The following MPZL3 variants were observed in gnomAD, a reference collection of about 807,000 sequenced individuals.
MPZL3 encodes myelin protein zero-like protein 3.
MPZL3 carries 23 observed loss-of-function variants against 24.8 expected under a neutral mutation model. That is an observed-to-expected ratio of 0.93 (90% CI 0.67 to 1.31). The LOEUF (loss-of-function observed/expected upper bound fraction) is 1.31. Among genes scored for constraint, MPZL3 ranks in the 40% most tolerant of loss-of-function variants. MPZL3 has a pLI of 0.00. For synonymous variants in MPZL3, 99 were observed against 106.5 expected (o/e 0.93, Z 0.44); for missense variants, 277 against 294.9 (o/e 0.94, Z 0.44).
chr11:118,236,923 C>G, intron 3 of MPZL3, 127 bp downstream of exon 3: 1 of 720,720 alleles, frequency 1.4e-6, no homozygotes, highest in Non-Finnish European at 2.3e-6. Flanking sequence ...AAAATTACTT[C>G]GATTCAATGA....
chr11:118,238,149 A>G (rs1372784948), intron 2 of MPZL3, among the ~76,000 whole-genome samples: 2 of 152,170 alleles, frequency 1.3e-5, no homozygotes, highest in Middle Eastern at 3.2e-3. Context: ...AAAAAAAAGA[A>G]AAAAAAGGAA....
chr11:118,241,634 T>C (rs1050347490), intron 1 of MPZL3, among the ~76,000 whole-genome samples: 6 of 152,212 alleles, frequency 3.9e-5, no homozygotes, highest in African/African-American at 7.2e-5. Flanking sequence ...GACAGTGTCA[T>C]TGTCATTATT....
rs371390035 is a variant in MPZL3, at chr11:118,252,347, C to T, written c.-53G>A. 2 of 1,564,886 alleles carry T rather than the reference C, an allele frequency of 1.3e-6. No individual in the cohort carries two copies. Among genetic ancestry groups the T allele is most frequent in the Non-Finnish European group, 8.8e-7 (1 of 1,138,150 alleles). On this transcript the variant is annotated 5_prime_UTR_variant, in exon 1 of 6. Coordinates refer to ENST00000278949, the MANE Select transcript of MPZL3 (RefSeq NM_198275.3). ...CCTTGTTTACAGCTCCCGGTAACGA[C>T]ACAGGTAACACCGGAAGTGACGTCA...
In MPZL3 at chr11:118,240,254, A is replaced by G. The variant is rs373019574; in HGVS notation, c.197T>C (p.Ile66Thr). 1.2e-6 allele frequency: 2 copies of G among 1,602,660 alleles called. No homozygotes were observed. Among genetic ancestry groups the G allele is most frequent in the East Asian group, 2.3e-5 (1 of 43,998 alleles). The change falls in exon 2 of 6, where the codon ATA (isoleucine) becomes ACA (threonine). Residue 66 changes from isoleucine to threonine, a missense_variant. Coordinates refer to ENST00000278949, the MANE Select transcript of MPZL3 (RefSeq NM_198275.3). ...STSDVTDKLTIDWTYRPPSSS... is the reference protein window; with the variant it reads ...STSDVTDKLTTDWTYRPPSSS... Reference sequence around the variant, plus strand: ...GCTGGGAGGGCGATATGTCCAGTCTATAGTAAGTTTGTCAGTGACATCTGA... The same window carrying G: ...GCTGGGAGGGCGATATGTCCAGTCTGTAGTAAGTTTGTCAGTGACATCTGA...
At chr11:118,241,328 C>A (rs1433467127) in intron 1 of MPZL3, among the ~76,000 whole-genome samples, 3 of 152,182 alleles carry the variant, frequency 2.0e-5, no homozygotes, top group African/African-American at 7.2e-5. Flanking sequence ...CAGAAAAGTG[C>A]AAACCCACAC....
chr11:118,252,232 C>G lies in MPZL3; in HGVS notation c.63G>C (p.Leu21=), dbSNP rs138107021. The change falls in exon 1 of 6, where the codon CTG becomes CTC. Residue 21 remains leucine (L), a synonymous_variant. Transcript: ENST00000278949. ...GCALFPLLGV[L]FFQGVYIVFS... ...AGCCGGAGCACTCACCCTGGAAGAA[C>G]AGGACGCCCAGCAGAGGGAAGAGAG... 8 of 1,613,876 alleles carry G rather than the reference C, an allele frequency of 5.0e-6. No homozygotes were observed. The highest frequency in any genetic ancestry group is 4.0e-5 in the African/African-American group (3 of 75,038).
At chr11:118,248,454 A>C (rs1443933538) in intron 1 of MPZL3, among the ~76,000 whole-genome samples, 1 of 152,148 alleles carries the variant, frequency 6.6e-6, no homozygotes, top group Non-Finnish European at 1.5e-5. Flanking sequence ...CAATAAACCC[A>C]CCTACCTACC....
chr11:118,234,758 G>C (rs12362596), intron 4 of MPZL3, among the ~76,000 whole-genome samples: 62,976 of 151,386 alleles, frequency 0.42, 14,920 homozygotes, highest in South Asian at 0.72. Flanking sequence ...CACACACACA[G>C]AGAGAGATTG....
chr11:118,251,042 T>C (rs1179002778), intron 1 of MPZL3, among the ~76,000 whole-genome samples: 1 of 151,790 alleles, frequency 6.6e-6, no homozygotes, highest in Non-Finnish European at 1.5e-5. Context: ...CATTTCCAGA[T>C]TTTTTTTCTC....
At chr11:118,235,199 A>G (rs1358835078) in intron 4 of MPZL3, among the ~76,000 whole-genome samples, 1 of 152,228 alleles carries the variant, frequency 6.6e-6, no homozygotes, top group Non-Finnish European at 1.5e-5. Flanking sequence ...AAAGCAGAAG[A>G]CTAGGACCAT....
intron 1 of MPZL3, among the ~76,000 whole-genome samples, chr11:118,241,310 C>T (rs1172045970): frequency 6.6e-6 from 1 of 152,186 alleles, no homozygotes; most frequent in Admixed American, 6.5e-5. Context: ...AACAGAGCAG[C>T]AAGATTTCAG....
At chr11:118,239,497 T>C (rs150764190) in intron 2 of MPZL3, among the ~76,000 whole-genome samples, 1 of 152,338 alleles carries the variant, frequency 6.6e-6, no homozygotes, top group East Asian at 1.9e-4. Flanking sequence ...ACATCTATCC[T>C]GAGCTAAGGA....
chr11:118,245,605 G>T (rs1473291285), intron 1 of MPZL3, among the ~76,000 whole-genome samples: 1 of 152,170 alleles, frequency 6.6e-6, no homozygotes, highest in Non-Finnish European at 1.5e-5. Context: ...AGATACCCAA[G>T]GGATAATGTC....
intron 3 of MPZL3, 31 bp downstream of exon 3, chr11:118,237,019 T>G: frequency 1.3e-6 from 2 of 1,596,450 alleles, no homozygotes; most frequent in Non-Finnish European, 1.7e-6. Flanking sequence ...CACAGAGCAC[T>G]GCAGAAGAAG....
chr11:118,233,624 T>C (rs954141160), intron 4 of MPZL3, 101 bp from the exon 5 acceptor site: 28 of 1,157,600 alleles, frequency 2.4e-5, no homozygotes, highest in Middle Eastern at 1.9e-4. Flanking sequence ...TGGTTTTAGA[T>C]TCCAGTTCTT....
In MPZL3 at chr11:118,240,366, C is replaced by T. The variant is rs201186451; in HGVS notation, c.85G>A (p.Val29Ile). The part of the protein sequence containing the change: ...GVLFFQGVYI[V>I]FSLEIRADAH... The stretch of plus-strand genomic sequence containing the variant: ...TCTGCACGAATCTCCAAGGAAAAGA[C>T]GATATAAACACCTAATCAAAGCAAA... The change falls in exon 2 of 6, where the codon GTC (valine) becomes ATC (isoleucine). Residue 29 changes from valine to isoleucine, a missense_variant. By Grantham distance (29) the Val-to-Ile change is conservative. Coordinates refer to ENST00000278949, the MANE Select transcript of MPZL3 (RefSeq NM_198275.3). 9.2e-5 allele frequency: 147 copies of T among 1,604,628 alleles called. No individual in the cohort carries two copies. The highest frequency in any genetic ancestry group is 6.6e-4 in the Middle Eastern group (4 of 6,050).
intron 1 of MPZL3, among the ~76,000 whole-genome samples, chr11:118,246,484 G>A (rs1041836014): frequency 6.6e-6 from 1 of 151,362 alleles, no homozygotes; most frequent in African/African-American, 2.4e-5. Context: ...GAGCTAGGAG[G>A]AAATGACACT....
At position 118,237,268 on chromosome 11, in the gene MPZL3, A is replaced by C; in HGVS notation, c.241-8T>G. ...AGACTGATAATGAAATATCTAAGAAAGCAACACCATGAGAGAAAAGGTTAA... is the reference window on the plus strand; with the variant it reads ...AGACTGATAATGAAATATCTAAGAACGCAACACCATGAGAGAAAAGGTTAA... On this transcript the variant is annotated splice_polypyrimidine_tract_variant and splice_region_variant and intron_variant, in intron 2 of 5. Transcript: ENST00000278949. 6.2e-7 allele frequency: 1 copy of C among 1,612,416 alleles called. No individual in the cohort carries two copies. Among genetic ancestry groups the C allele is most frequent in the Admixed American group, 1.7e-5 (1 of 59,982 alleles).
Position 118,227,461 on chromosome 11 carries a change from G to GA in MPZL3, c.*2432dup, listed in dbSNP as rs1949284794. ...GGCAGGTGTCTGTACACTGCTTTGT[G>GA]ATCCTTCGAAGAATAAAAAGCTGTA... On this transcript the variant is annotated 3_prime_UTR_variant, in exon 6 of 6. Transcript: ENST00000278949. 6.6e-6 allele frequency: 1 copy of GA among 152,184 alleles called. No homozygotes were observed. Among genetic ancestry groups the GA allele is most frequent in the Non-Finnish European group, 1.5e-5 (1 of 68,030 alleles). The allele number at this position is 152,184 out of a possible 1,614,324, so 9.4% of individuals were successfully genotyped here. A position where few individuals can be genotyped will look rare whatever the true frequency, so the allele number is the denominator to read the frequency against.
Sources: allele counts gnomAD v4.1 joint callset (sites outside exome capture counted in the v4.1 genomes callset), GRCh38; gene constraint gnomAD v4.1.1; transcripts MANE v1.5; gene names NCBI Gene and HGNC (gene_info 2026-07-23, HGNC 2026-07-21).